ELMOD1: variants seen among roughly 807,000 people sequenced by gnomAD.
ELMOD1 encodes the protein ELMO domain containing 1.
ELMOD1 carries 21 observed loss-of-function variants against 46.7 expected under a neutral mutation model. The ratio of observed to expected loss-of-function variants is 0.45; its 90% CI spans 0.32 to 0.65. The LOEUF (loss-of-function observed/expected upper bound fraction) is 0.65. ELMOD1 is among the 30% of genes least tolerant of loss of function. The probability of loss-of-function intolerance (pLI) is 0.04; values close to 1 mark genes in which losing one functional copy is unlikely to be tolerated. For missense variants in ELMOD1, 348 were observed against 407.8 expected (o/e 0.85, Z 1.26); for synonymous variants, 122 against 138.2 (o/e 0.88, Z 0.82).
intron 1 of ELMOD1, among the ~76,000 whole-genome samples, chr11:107,616,362 T>C (rs1565374332): frequency 6.6e-6 from 1 of 151,508 alleles, no homozygotes; most frequent in Non-Finnish European, 1.5e-5. Flanking sequence ...CAGTTTATAT[T>C]TAAGGGATAG....
intron 6 of ELMOD1, among the ~76,000 whole-genome samples, chr11:107,647,104 TC>T (rs901527214): frequency 1.5e-4 from 23 of 152,274 alleles, no homozygotes; most frequent in African/African-American, 4.1e-4. Flanking sequence ...ACATTATGCA[TC>T]CTTTGGAAAA....
intron 7 of ELMOD1, 26 bp downstream of exon 7, chr11:107,647,627 T>G: frequency 1.9e-6 from 3 of 1,604,856 alleles, no homozygotes; most frequent in Non-Finnish European, 2.6e-6. Context: ...GACAGCTAAG[T>G]GTTCGAGTGA....
rs1191078919 is a variant in ELMOD1, at chr11:107,665,146, C to G, written c.954C>G (p.Asp318Glu). The G allele has an allele frequency of 2.5e-6, 4 of 1,614,044 alleles. No individual in the cohort carries two copies. The highest frequency in any genetic ancestry group is 2.5e-6 in the Non-Finnish European group (3 of 1,179,898). Residue 318 changes from aspartate (D) to glutamate (E), a missense_variant, in exon 12 of 12, where the codon GAC becomes GAG. Asp to Glu is a conservative substitution (Grantham distance 45, BLOSUM62 2). Coordinates refer to ENST00000265840, the MANE Select transcript of ELMOD1 (RefSeq NM_018712.4). ...TCATCAAACAGCTGCAGAACCCAGA[C>G]ATGGCGCTGTGCCCACATTTTGCTG... ...KRIIKQLQNP[D>E]MALCPHFAAS... is the part of the protein sequence containing the mutation.
chr11:107,657,513 G>A (rs1349330697), intron 11 of ELMOD1, among the ~76,000 whole-genome samples: 1 of 152,170 alleles, frequency 6.6e-6, no homozygotes, highest in African/African-American at 2.4e-5. Context: ...GGGTGACAGA[G>A]CAAGACCCCA....
Position 107,647,590 on chromosome 11 carries a change from G to T in ELMOD1, c.543G>T (p.Leu181=). 2 of 1,611,392 alleles carry T rather than the reference G, an allele frequency of 1.2e-6. No individual in the cohort carries two copies. Among genetic ancestry groups the T allele is most frequent in the Non-Finnish European group, 1.7e-6 (2 of 1,178,888 alleles). ...TTCGAGGAATGGGACTTCTGGGACT[G>T]TACAATTTGCAGTAAGTAAAATGAA... ...TDFRGMGLLG[L]YNLQYFAERD... The change falls in exon 7 of 12, where the codon CTG becomes CTT. Residue 181 remains leucine (L), a synonymous_variant. Transcript: ENST00000265840.
intron 4 of ELMOD1, among the ~76,000 whole-genome samples, chr11:107,631,306 A>G (rs988400271): frequency 4.6e-5 from 7 of 152,254 alleles, no homozygotes; most frequent in Non-Finnish European, 8.8e-5. Context: ...TTACATTTCA[A>G]TATAGGTAGC....
At chr11:107,637,330 G>A (rs1866245802) in intron 6 of ELMOD1, among the ~76,000 whole-genome samples, 1 of 152,104 alleles carries the variant, frequency 6.6e-6, no homozygotes, top group Admixed American at 6.5e-5. Flanking sequence ...TAGGTACTTT[G>A]GGGAAAGGCA....
intron 5 of ELMOD1, among the ~76,000 whole-genome samples, chr11:107,633,357 C>G (rs1866173696): frequency 6.6e-6 from 1 of 152,198 alleles, no homozygotes; most frequent in Non-Finnish European, 1.5e-5. Context: ...CTATTAACCT[C>G]ACTTGTTTTA....
At chr11:107,629,896 A>G (rs1429901092) in intron 2 of ELMOD1, among the ~76,000 whole-genome samples, 6 of 152,128 alleles carry the variant, frequency 3.9e-5, no homozygotes. Flanking sequence ...GCAATGCCTA[A>G]GGGAAAGCAG....
intron 1 of ELMOD1, chr11:107,600,992 A>C (rs1203805925): frequency 6.6e-6 from 1 of 152,154 alleles, no homozygotes; most frequent in Non-Finnish European, 1.5e-5. Context: ...TCTTCTTAAA[A>C]TGTAAGTTTT....
chr11:107,638,186 C>T (rs962030963), intron 6 of ELMOD1, among the ~76,000 whole-genome samples: 1 of 152,176 alleles, frequency 6.6e-6, no homozygotes, highest in African/African-American at 2.4e-5. Flanking sequence ...TAAATCCTTA[C>T]TCACTGAATT....
In ELMOD1 at chr11:107,626,874, A is replaced by T. The variant is rs568873973; in HGVS notation, c.18-3543A>T. ...TTAAATAGGTCCAAATTATTTAAGA[A>T]GTGAGCTTCTGGCAGTATTTGATGG... On this transcript the variant is annotated intron_variant, in intron 2 of 11. Transcript: ENST00000265840. Among the ~76,000 whole-genome samples, 3 of 152,324 alleles carry T rather than the reference A, an allele frequency of 2.0e-5. No individual in the cohort carries two copies. The East Asian group carries it at 5.8e-4, about 29-fold the overall frequency.
chr11:107,645,165 C>A (rs1050472626), intron 6 of ELMOD1, among the ~76,000 whole-genome samples: 1 of 148,664 alleles, frequency 6.7e-6, no homozygotes, highest in African/African-American at 2.5e-5. Flanking sequence ...TCTCGATCTC[C>A]TGACCTCGTG....
At chr11:107,657,881 T>G (rs1399955824) in intron 11 of ELMOD1, among the ~76,000 whole-genome samples, 1 of 152,174 alleles carries the variant, frequency 6.6e-6, no homozygotes, top group African/African-American at 2.4e-5. Flanking sequence ...GAGAGACTCT[T>G]TGAAGAACAT....
intron 2 of ELMOD1, among the ~76,000 whole-genome samples, chr11:107,627,176 T>C (rs1388414454): frequency 6.6e-6 from 1 of 152,206 alleles, no homozygotes; most frequent in East Asian, 1.9e-4. Flanking sequence ...ATTAAATATT[T>C]GTGGGCATGT....
At chr11:107,622,480 C>A (rs1295176370) in intron 2 of ELMOD1, among the ~76,000 whole-genome samples, 6 of 152,224 alleles carry the variant, frequency 3.9e-5, no homozygotes, top group African/African-American at 1.2e-4. Context: ...ATAAAAATAT[C>A]TTTTCCCCTT....
chr11:107,600,939 T>A (rs1377226069), intron 1 of ELMOD1: 2 of 152,034 alleles, frequency 1.3e-5, no homozygotes, highest in African/African-American at 4.8e-5. Context: ...TCTCAAGACG[T>A]GACTGGTGCC....
rs543241750 is a variant in ELMOD1 at position 107,631,403 on chromosome 11, C to CCG, written c.193-176_193-175insGC. ...TTATCAGGAAAATTGCACTACCCCC[C>CCG]CCCCCATCGTGAAAATGTCAAATTT... On this transcript the variant is annotated intron_variant, in intron 4 of 11. Transcript: ENST00000265840. Among the ~76,000 whole-genome samples the CCG allele has an allele frequency of 1.2e-4, 17 of 146,876 alleles. 1 individual carries two copies. Among genetic ancestry groups the CCG allele is most frequent in the African/African-American group, 4.3e-4 (17 of 39,840 alleles).
intron 1 of ELMOD1, among the ~76,000 whole-genome samples, chr11:107,610,653 A>T (rs1411461268): frequency 3.4e-5 from 5 of 148,434 alleles, no homozygotes; most frequent in African/African-American, 1.2e-4. Context: ...ACAGGGTGAG[A>T]TCCTATCTAA....
Sources: gnomAD v4.1 joint callset for allele counts (sites outside exome capture counted in the v4.1 genomes callset) on GRCh38, gnomAD v4.1.1 for gene constraint, MANE v1.5 for transcripts, NCBI Gene and HGNC (gene_info 2026-07-23, HGNC 2026-07-21) for gene names.